The following ENTPD7 variants were observed in gnomAD, a reference collection of about 807,000 sequenced individuals.
ENTPD7 encodes the protein ectonucleoside triphosphate diphosphohydrolase 7.
In ENTPD7, 53 loss-of-function variants were observed where a neutral mutation model predicts 77.9. That is an observed-to-expected ratio of 0.68 (90% confidence interval 0.55 to 0.85). The LOEUF is 0.85. Ranked by LOEUF, ENTPD7 falls within the 40% of genes least tolerant of loss-of-function variation. ENTPD7 has a pLI of 0.00. For synonymous variants in ENTPD7, 248 were observed against 274.9 expected (o/e 0.90, Z 0.97); for missense variants, 636 against 743.7 (o/e 0.86, Z 1.68).
In ENTPD7 at chr10:99,706,917, T is replaced by C. The variant is rs1008561884; in HGVS notation, c.*2234T>C. 6.6e-6 allele frequency among the ~76,000 whole-genome samples: 1 copy of C among 152,228 alleles called. No individual in the cohort carries two copies. Among genetic ancestry groups the C allele is most frequent in the Non-Finnish European group, 1.5e-5 (1 of 68,040 alleles). ...CACTGGCTAACAGTGATCATGTTCATGTGCTAAAAATGAACTTGAAACACG... is the reference window on the plus strand; with the variant it reads ...CACTGGCTAACAGTGATCATGTTCACGTGCTAAAAATGAACTTGAAACACG... On this transcript the variant is annotated 3_prime_UTR_variant, in exon 13 of 13. Coordinates refer to ENST00000370489, the MANE Select transcript of ENTPD7 (RefSeq NM_020354.5).
At chr10:99,698,111 C>T (rs2036024351) in intron 9 of ENTPD7, among the ~76,000 whole-genome samples, 1 of 152,164 alleles carries the variant, frequency 6.6e-6, no homozygotes, top group Admixed American at 6.5e-5. Flanking sequence ...TGGGCCACTG[C>T]CGTGGTCTGC....
In ENTPD7 at chr10:99,710,705, A is replaced by G; in HGVS notation, c.*6022A>G. 3 of 985,430 alleles carry G rather than the reference A, an allele frequency of 3.0e-6. No individual in the cohort carries two copies. The highest frequency in any genetic ancestry group is 3.6e-6 in the Non-Finnish European group (3 of 829,934). The allele number at this position is 985,430 out of a possible 1,614,324, so 61.0% of individuals were successfully genotyped here. ...TATATAACCCACCATTCATCCCAGG[A>G]CCACAAGGGTAGCTGTAGATAAACT... On this transcript the variant is annotated 3_prime_UTR_variant, in exon 13 of 13. Transcript: ENST00000370489.
chr10:99,676,542 A>G (rs1208876549), intron 3 of ENTPD7, among the ~76,000 whole-genome samples: 2 of 152,220 alleles, frequency 1.3e-5, no homozygotes, highest in Admixed American at 6.5e-5. Context: ...AAAGATTGCT[A>G]TGATTGGAAA....
chr10:99,663,465 G>GTTTTTTTTTTTTTT (rs796785991), intron 3 of ENTPD7, among the ~76,000 whole-genome samples: 1 of 134,326 alleles, frequency 7.4e-6, no homozygotes, highest in Non-Finnish European at 1.6e-5. Context: ...GATTTTATTT[G>GTTTTTTTTTTTTTT]TTTTTTTTTT....
At position 99,708,417 on chromosome 10, in the gene ENTPD7, T is replaced by A. The variant is rs1157696310; in HGVS notation, c.*3734T>A. ...TGGTATCACTTAAGGGAAAGAACAGTAGGCTTAACGAATAGCAGACCTGGA... is the reference window on the plus strand; with the variant it reads ...TGGTATCACTTAAGGGAAAGAACAGAAGGCTTAACGAATAGCAGACCTGGA... On this transcript the variant is annotated 3_prime_UTR_variant, in exon 13 of 13. Transcript: ENST00000370489. Among the ~76,000 whole-genome samples the A allele has an allele frequency of 2.0e-5, 3 of 152,166 alleles. No individual in the cohort carries two copies. The highest frequency in any genetic ancestry group is 4.4e-5 in the Non-Finnish European group (3 of 68,028).
At chr10:99,666,901 A>G (rs1220940611) in intron 3 of ENTPD7, among the ~76,000 whole-genome samples, 2 of 152,226 alleles carry the variant, frequency 1.3e-5, no homozygotes, top group African/African-American at 4.8e-5. Flanking sequence ...GCACCATCAT[A>G]AAGCTGAAAA....
In ENTPD7 at chr10:99,702,524, T is replaced by C; in HGVS notation, c.1434T>C (p.Phe478=). The change falls in exon 12 of 13, where the codon TTT becomes TTC. Residue 478 remains phenylalanine, a synonymous_variant. Transcript: ENST00000370489. ...ADEHRLKYQC[F]KSAWMYQVLH... is the part of the protein sequence containing the mutation. ...TTTTGTCACACAGATATCAGTGTTT[T>C]AAATCGGCTTGGATGTACCAAGTCT... is the stretch of plus-strand genomic sequence containing the variant. The C allele has an allele frequency of 1.3e-6, 2 of 1,576,780 alleles. No individual in the cohort carries two copies. Among genetic ancestry groups the C allele is most frequent in the Middle Eastern group, 3.4e-4 (2 of 5,962 alleles).
In ENTPD7 at chr10:99,709,281, A is replaced by G. The variant is rs370429256; in HGVS notation, c.*4598A>G. 1.0e-6 allele frequency: 1 copy of G among 985,228 alleles called. No individual in the cohort carries two copies. The highest frequency in any genetic ancestry group is 1.2e-6 in the Non-Finnish European group (1 of 829,910). The allele number at this position is 985,228 out of a possible 1,614,324, so 61.0% of individuals were successfully genotyped here. A position where few individuals can be genotyped will look rare whatever the true frequency, so the allele number is the denominator to read the frequency against. The stretch of plus-strand genomic sequence containing the variant: ...CTTTTTGTTGTCTTTAAACTTTTCA[A>G]ATTAATTCAAAACTAGTATCTAATT... On this transcript the variant is annotated 3_prime_UTR_variant, in exon 13 of 13. Transcript: ENST00000370489.
chr10:99,659,890 A>T lies in ENTPD7; in HGVS notation c.-67A>T. 1 of 1,612,060 alleles carries T rather than the reference A, an allele frequency of 6.2e-7. No individual in the cohort carries two copies. Among genetic ancestry groups the T allele is most frequent in the Non-Finnish European group, 8.5e-7 (1 of 1,178,518 alleles). On this transcript the variant is annotated 5_prime_UTR_variant, in exon 2 of 13. In the 5' UTR this introduces an upstream ATG that the reference lacks. Transcript: ENST00000370489. This position sits in a 1 kb window ranked among gnomAD's most constrained non-coding sequence, Gnocchi z 4.1. ...GCAGACGTAGGAGATGCCTGGGACA[A>T]GGAGGCCACCTTCTCAGGGCAAAAG...
At position 99,679,255 on chromosome 10, in the gene ENTPD7, A is replaced by G. The variant is rs2133459204; in HGVS notation, c.192-6A>G. 1 of 1,613,308 alleles carries G rather than the reference A, an allele frequency of 6.2e-7. No individual in the cohort carries two copies. Among genetic ancestry groups the G allele is most frequent in the South Asian group, 1.1e-5 (1 of 90,940 alleles). ...TAGCACTGATTTCTCTTTTTGCCTG[A>G]CTTAGGTATTTGGCTCGAGTAGGGG... On this transcript the variant is annotated splice_polypyrimidine_tract_variant and splice_region_variant and intron_variant, in intron 3 of 12. Transcript: ENST00000370489.
chr10:99,662,682 C>T (rs1275880902), intron 3 of ENTPD7, among the ~76,000 whole-genome samples: 2 of 147,072 alleles, frequency 1.4e-5, no homozygotes, highest in Non-Finnish European at 3.0e-5. Context: ...AAGGAGGAGG[C>T]AGGCAAATTG....
chr10:99,680,259 G>A (rs187650319), intron 5 of ENTPD7, among the ~76,000 whole-genome samples: 12 of 152,246 alleles, frequency 7.9e-5, no homozygotes, highest in Non-Finnish European at 1.8e-4. Context: ...AATAACTGGG[G>A]GAGTCCCTCT....
chr10:99,693,810 C>T (rs1361973877), intron 8 of ENTPD7, among the ~76,000 whole-genome samples: 1 of 151,868 alleles, frequency 6.6e-6, no homozygotes, highest in Non-Finnish European at 1.5e-5. Flanking sequence ...CCCTGCTACT[C>T]AGGAGGCTGA....
At chr10:99,679,510 T>A in intron 4 of ENTPD7, 44 bp downstream of exon 4, 3 of 1,548,654 alleles carry the variant, frequency 1.9e-6, no homozygotes, top group Non-Finnish European at 2.6e-6. Context: ...TTTTAAGGCA[T>A]GAAAGAGGAG....
At position 99,710,563 on chromosome 10, in the gene ENTPD7, A is replaced by T; in HGVS notation, c.*5880A>T. On this transcript the variant is annotated 3_prime_UTR_variant, in exon 13 of 13. Transcript: ENST00000370489. The stretch of plus-strand genomic sequence containing the variant: ...TAATTTTGTTGAATTTTGAATTCTT[A>T]AAATTCTCACTGACAAACATTTTAG... 1.0e-6 allele frequency: 1 copy of T among 985,446 alleles called. No homozygotes were observed. The highest frequency in any genetic ancestry group is 1.2e-6 in the Non-Finnish European group (1 of 829,936). 61.0% of individuals were successfully genotyped at this position (985,446 alleles called of 1,614,324 possible).
At chr10:99,701,681 A>C (rs2036133131) in intron 11 of ENTPD7, among the ~76,000 whole-genome samples, 1 of 152,144 alleles carries the variant, frequency 6.6e-6, no homozygotes, top group South Asian at 2.1e-4. Context: ...TGTAACTATC[A>C]CACAGCTTCA....
rs1163878227 is a variant in ENTPD7 at position 99,689,301 on chromosome 10, T to C, written c.709+551T>C. Among the ~76,000 whole-genome samples the C allele has an allele frequency of 3.3e-5, 5 of 152,226 alleles. No individual in the cohort carries two copies. In the East Asian group the frequency reaches 9.6e-4, roughly 29 times the overall value. ...CGTAGTGGGCTTGTTCAAATCAGAA[T>C]CTGAACAAGGGTCATGCATTGCATT... On this transcript the variant is annotated intron_variant, in intron 7 of 12. Transcript: ENST00000370489.
chr10:99,674,920 T>A (rs1210857452), intron 3 of ENTPD7, among the ~76,000 whole-genome samples: 5 of 152,250 alleles, frequency 3.3e-5, no homozygotes, highest in Non-Finnish European at 7.3e-5. Context: ...TCAGTTCCAC[T>A]TATGAATATC....
chr10:99,689,533 C>G, intron 7 of ENTPD7, among the ~76,000 whole-genome samples: 1 of 152,128 alleles, frequency 6.6e-6, no homozygotes, highest in East Asian at 1.9e-4. Flanking sequence ...AACTGGAGGT[C>G]AGATATAGAT....
Sources: gnomAD v4.1 joint callset for allele counts (sites outside exome capture counted in the v4.1 genomes callset) on GRCh38, gnomAD v4.1.1 for gene constraint, Gnocchi (gnomAD v3.1) non-coding constraint, MANE v1.5 for transcripts, NCBI Gene and HGNC (gene_info 2026-07-23, HGNC 2026-07-21) for gene names.